Variants in ATP7B observed in about 807,000 individuals in gnomAD.
ATP7B encodes copper-transporting ATPase 2.
ATP7B carries 113 observed loss-of-function variants against 118.9 expected under a neutral mutation model. That is an observed-to-expected ratio of 0.95 (90% CI 0.82 to 1.11). ATP7B has a LOEUF of 1.11. Ranked by LOEUF, ATP7B falls within the 50% of genes most tolerant of loss-of-function variation. The pLI is 0.00. For missense variants in ATP7B, 1,867 were observed against 1,871.4 expected (o/e 1.00, Z 0.04); for synonymous variants, 777 against 727.4 (o/e 1.07, Z -1.10).
intron 2 of ATP7B, among the ~76,000 whole-genome samples, chr13:51,973,312 G>A (rs753876420): frequency 9.2e-5 from 14 of 152,206 alleles, no homozygotes; most frequent in Non-Finnish European, 1.8e-4. Context: ...ATCCAAGGAG[G>A]TTCGCATTCA....
intron 1 of ATP7B, among the ~76,000 whole-genome samples, chr13:51,987,924 C>G (rs1212416197): frequency 1.3e-5 from 2 of 152,156 alleles, no homozygotes; most frequent in Non-Finnish European, 2.9e-5. Context: ...TGGATTAAAA[C>G]TTAAACGTAA....
intron 3 of ATP7B, among the ~76,000 whole-genome samples, chr13:51,969,577 T>TTTTCCA (rs1951740934): frequency 6.6e-6 from 1 of 152,182 alleles, no homozygotes; most frequent in Non-Finnish European, 1.5e-5. Flanking sequence ...CTAACACTAT[T>TTTTCCA]GTGTTAGTTT....
At chr13:52,002,484 T>C (rs934856807) in intron 1 of ATP7B, among the ~76,000 whole-genome samples, 5 of 122,092 alleles carry the variant, frequency 4.1e-5, no homozygotes, top group African/African-American at 6.2e-5. Context: ...TAGGATCACC[T>C]GAGCCCGAGG....
In ATP7B at chr13:51,937,659, A is replaced by G. The variant is rs369930314; in HGVS notation, c.3720T>C (p.Phe1240=). The G allele has an allele frequency of 1.9e-6, 3 of 1,614,244 alleles. No individual in the cohort carries two copies. The highest frequency in any genetic ancestry group is 2.5e-6 in the Non-Finnish European group (3 of 1,180,046). ...IATQVGINKV[F]AEVLPSHKVA... ...CCTTGTGCGAAGGCAGCACCTCTGC[A>G]AAGACTTTGTTGATGCCAACCTAAG... The change falls in exon 18 of 21, where the codon TTT becomes TTC. Residue 1240 remains phenylalanine, a synonymous_variant. Transcript: ENST00000242839.
At chr13:51,963,772 GGGCACAGT>G (rs1343561318) in intron 5 of ATP7B, among the ~76,000 whole-genome samples, 1 of 145,604 alleles carries the variant, frequency 6.9e-6, no homozygotes, top group Non-Finnish European at 1.5e-5. Context: ...CTCCAAGGCC[GGGCACAGT>G]GGCTCACATC....
At position 51,974,411 on chromosome 13, in the gene ATP7B, GACTTACA is replaced by G. The variant is rs1566598496; in HGVS notation, c.802_808del (p.Cys268LeufsTer4). On this transcript the variant is annotated frameshift_variant, in exon 2 of 21. Coordinates refer to ENST00000242839, the MANE Select transcript of ATP7B (RefSeq NM_000053.4). LOFTEE classifies it high-confidence loss of function. ...ATTTTCTTCAATATTCAAGACGCAA[GACTTACA>G]ATGCATTCCATCTATTCTCAGTTGG... is the stretch of plus-strand genomic sequence containing the variant. 3.1e-6 allele frequency: 5 copies of G among 1,613,882 alleles called. No individual in the cohort carries two copies. The highest frequency in any genetic ancestry group is 4.2e-6 in the Non-Finnish European group (5 of 1,180,042).
At chr13:51,968,310 A>G in intron 4 of ATP7B, 134 bp downstream of exon 4, 1 of 1,373,138 alleles carries the variant, frequency 7.3e-7, no homozygotes. Context: ...AAGGAAAGTG[A>G]AACAAACAAA....
intron 1 of ATP7B, among the ~76,000 whole-genome samples, chr13:51,982,902 C>T (rs780933285): frequency 4.6e-5 from 7 of 152,222 alleles, no homozygotes; most frequent in South Asian, 2.1e-4. Context: ...ACTTTTCCCA[C>T]GGTCTTCACA....
chr13:52,010,546 A>C (rs1953972376), intron 1 of ATP7B, among the ~76,000 whole-genome samples: 1 of 152,276 alleles, frequency 6.6e-6, no homozygotes, highest in Admixed American at 6.5e-5. Flanking sequence ...ACAGTTAGTG[A>C]AACAATCTCT....
At chr13:51,995,010 T>C (rs150193937) in intron 1 of ATP7B, among the ~76,000 whole-genome samples, 42 of 152,354 alleles carry the variant, frequency 2.8e-4, no homozygotes, top group Non-Finnish European at 5.3e-4. Flanking sequence ...AAATAAGGTA[T>C]ACACTATAAA....
Position 51,974,352 on chromosome 13 carries a change from C to T in ATP7B, c.868G>A (p.Val290Met), listed in dbSNP as rs763699600. 6.2e-7 allele frequency: 1 copy of T among 1,613,946 alleles called. No individual in the cohort carries two copies. Residue 290 changes from valine (V) to methionine (M), a missense_variant, in exon 2 of 21, where the codon GTG becomes ATG. Coordinates refer to ENST00000242839, the MANE Select transcript of ATP7B (RefSeq NM_000053.4). Reference protein sequence around the residue: ...GQLLGVQSIQVSLENKTAQVK... With the variant: ...GQLLGVQSIQMSLENKTAQVK... ...TGGGCAGTTTTGTTCTCCAAGGACA[C>T]TTGAATACTTTGAACCCCTAGGAGC...
At chr13:51,987,048 A>T (rs1175501577) in intron 1 of ATP7B, among the ~76,000 whole-genome samples, 1 of 152,224 alleles carries the variant, frequency 6.6e-6, no homozygotes, top group African/African-American at 2.4e-5. Flanking sequence ...TATTCAACAC[A>T]GTATTGGAAG....
intron 1 of ATP7B, among the ~76,000 whole-genome samples, chr13:52,005,910 T>C (rs965412538): frequency 6.6e-6 from 1 of 152,232 alleles, no homozygotes; most frequent in African/African-American, 2.4e-5. Context: ...ATGTTCATGA[T>C]GGCCGTAACG....
intron 17 of ATP7B, 73 bp downstream of exon 17, chr13:51,938,978 C>T: frequency 1.2e-6 from 2 of 1,611,058 alleles, no homozygotes; most frequent in Admixed American, 1.7e-5. Flanking sequence ...CAGTGCTGGG[C>T]CAACTGGTGC....
intron 12 of ATP7B, among the ~76,000 whole-genome samples, chr13:51,947,200 GC>G (rs747763283): frequency 4.6e-5 from 7 of 152,150 alleles, no homozygotes; most frequent in African/African-American, 1.2e-4. Context: ...GTACAAAATC[GC>G]ATGTGCTGGG....
chr13:51,983,682 G>A (rs1952525948), intron 1 of ATP7B, among the ~76,000 whole-genome samples: 1 of 152,122 alleles, frequency 6.6e-6, no homozygotes, highest in Non-Finnish European at 1.5e-5. Flanking sequence ...CATCTGGCAG[G>A]TGCCCCTCAG....
Position 51,944,120 on chromosome 13 carries a change from AT to A in ATP7B, c.3231del (p.Lys1077AsnfsTer44). The A allele has an allele frequency of 6.2e-7, 1 of 1,614,048 alleles. No individual in the cohort carries two copies. The highest frequency in any genetic ancestry group is 1.1e-5 in the South Asian group (1 of 91,074). On this transcript the variant is annotated frameshift_variant, in exon 14 of 21. Coordinates refer to ENST00000242839, the MANE Select transcript of ATP7B (RefSeq NM_000053.4). LOFTEE classifies it high-confidence loss of function. ...CCAAGTCCACGTACCTCTTTACAGT[AT>A]TTGGTGACTGCCACGCCCAAGGGGT... The part of the protein sequence containing the change: ...SEHPLGVAVT[K>X]YCKEELGTET...
In ATP7B at chr13:51,941,333, T is replaced by C. The variant is rs1015427976; in HGVS notation, c.3413-109A>G. The C allele has an allele frequency of 8.7e-6, 12 of 1,375,582 alleles. No homozygotes were observed. The East Asian group carries it at 9.2e-5, about 11-fold the overall frequency. 85.2% of individuals were successfully genotyped at this position (1,375,582 alleles called of 1,614,324 possible). ...TATCCTTTTAACCATTCTGAAAAAC[T>C]GTAACCTTGTAAGCACCTCTTGTGA... On this transcript the variant is annotated intron_variant, in intron 15 of 20. Coordinates refer to ENST00000242839, the MANE Select transcript of ATP7B (RefSeq NM_000053.4).
chr13:51,942,246 G>C (rs1593664738), intron 15 of ATP7B, 140 bp downstream of exon 15: 2 of 1,290,610 alleles, frequency 1.5e-6, no homozygotes, highest in East Asian at 4.7e-5. Flanking sequence ...AACTTTCCTG[G>C]GTGTGGGGAG....
Sources: gnomAD v4.1 joint callset for allele counts (sites outside exome capture counted in the v4.1 genomes callset) on GRCh38, gnomAD v4.1.1 for gene constraint, MANE v1.5 for transcripts, NCBI Gene and HGNC (gene_info 2026-07-23, HGNC 2026-07-21) for gene names.